Variants in ALK observed in about 807,000 individuals in gnomAD.
The protein encoded by ALK is ALK tyrosine kinase receptor.
ALK carries 74 observed loss-of-function variants against 163.1 expected under a neutral mutation model. The ratio of observed to expected loss-of-function variants is 0.45; its 90% CI spans 0.38 to 0.55. ALK has a LOEUF of 0.55. ALK is among the 20% of genes least tolerant of loss of function. The pLI, the probability that ALK is intolerant of heterozygous loss-of-function variation, is 0.00. For synonymous variants in ALK, 960 were observed against 843.2 expected, an observed-to-expected ratio of 1.14 and a Z score of -2.40; for missense variants, 2,063 against 2,105.3, an observed-to-expected ratio of 0.98 and a Z score of 0.39.
At chr2:29,316,563 T>C (rs537092007) in intron 8 of ALK, among the ~76,000 whole-genome samples, 13 of 152,320 alleles carry the variant, frequency 8.5e-5, no homozygotes, top group African/African-American at 1.7e-4. Context: ...TGGCTCATAT[T>C]AAACCCAGCG....
chr2:29,897,522 G>T (rs1667301951), intron 1 of ALK, among the ~76,000 whole-genome samples: 1 of 152,170 alleles, frequency 6.6e-6, no homozygotes, highest in Non-Finnish European at 1.5e-5. Context: ...TGGGGTGGGG[G>T]CCCCAGGGAG....
At chr2:29,346,622 GAC>G (rs1439970656) in intron 5 of ALK, among the ~76,000 whole-genome samples, 1 of 152,242 alleles carries the variant, frequency 6.6e-6, no homozygotes, top group Middle Eastern at 3.2e-3. Flanking sequence ...GATTTCCATT[GAC>G]AGTTAAATTA....
chr2:29,239,976 C>A, intron 12 of ALK, 146 bp from the exon 13 acceptor site: 1 of 974,318 alleles, frequency 1.0e-6, no homozygotes, highest in Non-Finnish European at 1.5e-6. Flanking sequence ...GAAAGGGATT[C>A]TTCTCCCCCA....
rs1665490716 is a variant in ALK at position 29,274,808 on chromosome 2, G to T, written c.2041+291C>A. Among the ~76,000 whole-genome samples the T allele has an allele frequency of 1.3e-5, 2 of 152,182 alleles. 1 individual carries two copies. Among genetic ancestry groups the T allele is most frequent in the South Asian group, 4.1e-4 (2 of 4,832 alleles). On this transcript the variant is annotated intron_variant, in intron 11 of 28. Coordinates refer to ENST00000389048, the MANE Select transcript of ALK (RefSeq NM_004304.5). ...AAGGCGGCAGTGAATTCAAAGCAGA[G>T]TTGGGGAAAAAAATGCCAGCTTGGT...
chr2:29,242,795 C>G (rs1664558162), intron 12 of ALK, among the ~76,000 whole-genome samples: 1 of 152,206 alleles, frequency 6.6e-6, no homozygotes. Flanking sequence ...CAAGGCGAGA[C>G]CCGGGGCTGG....
At chr2:29,699,239 C>T (rs910556825) in intron 2 of ALK, among the ~76,000 whole-genome samples, 1 of 152,212 alleles carries the variant, frequency 6.6e-6, no homozygotes, top group Non-Finnish European at 1.5e-5. Flanking sequence ...TGGGAAACTA[C>T]CTTCCCTCAG....
chr2:29,919,476 G>A (rs999350154), intron 1 of ALK, among the ~76,000 whole-genome samples: 2 of 152,138 alleles, frequency 1.3e-5, no homozygotes, highest in Admixed American at 1.3e-4. Context: ...GACAATCCCT[G>A]GCAATACCTG....
At chr2:29,753,538 A>C (rs1573608066) in intron 1 of ALK, among the ~76,000 whole-genome samples, 1 of 152,354 alleles carries the variant, frequency 6.6e-6, no homozygotes, top group South Asian at 2.1e-4. Flanking sequence ...TACAGAGCTG[A>C]AATAACACCT....
intron 5 of ALK, among the ~76,000 whole-genome samples, chr2:29,338,491 TG>T (rs1193097202): frequency 6.6e-6 from 1 of 152,222 alleles, no homozygotes; most frequent in African/African-American, 2.4e-5. Flanking sequence ...TTTGTTCCGT[TG>T]TCTAGAATCA....
At chr2:29,713,694 T>TA (rs1219615471) in intron 2 of ALK, among the ~76,000 whole-genome samples, 2 of 152,182 alleles carry the variant, frequency 1.3e-5, no homozygotes, top group Non-Finnish European at 2.9e-5. Flanking sequence ...ACCTACTCCG[T>TA]AAAATGAAAG....
chr2:29,565,052 C>G lies in ALK; in HGVS notation c.953-32936G>C, dbSNP rs570848993. On this transcript the variant is annotated intron_variant, in intron 3 of 28. Transcript: ENST00000389048. ...CGACAATAACCACAGCTTCCATTTG[C>G]CAATTGCCTACTCTGTACAGACACG... Among the ~76,000 whole-genome samples the G allele has an allele frequency of 4.6e-5, 7 of 152,292 alleles. No homozygotes were observed. In the South Asian group the frequency reaches 1.5e-3, roughly 32 times the overall value.
chr2:29,373,742 G>T (rs1573293097), intron 5 of ALK, among the ~76,000 whole-genome samples: 1 of 152,294 alleles, frequency 6.6e-6, no homozygotes, highest in East Asian at 1.9e-4. Context: ...TTCCTTCCTG[G>T]TTCCACCTGC....
At chr2:29,449,313 G>C (rs1217008806) in intron 4 of ALK, among the ~76,000 whole-genome samples, 1 of 152,168 alleles carries the variant, frequency 6.6e-6, no homozygotes, top group Non-Finnish European at 1.5e-5. Flanking sequence ...GTCCTCTGGG[G>C]GTCTACAGGA....
rs1348167920 is a variant in ALK, at chr2:29,235,836, G to A, written c.2356-2140C>T. Reference sequence around the variant, plus strand: ...GTCTCCAGAGTAGCTGGGACTACAGGCACAAGCTACCAGGCTCGACTTTTT... The same window carrying A: ...GTCTCCAGAGTAGCTGGGACTACAGACACAAGCTACCAGGCTCGACTTTTT... On this transcript the variant is annotated intron_variant, in intron 13 of 28. Coordinates refer to ENST00000389048, the MANE Select transcript of ALK (RefSeq NM_004304.5). Among the ~76,000 whole-genome samples the A allele has an allele frequency of 4.4e-5, 6 of 136,188 alleles. No homozygotes were observed. In the Admixed American group the frequency reaches 5.0e-4, roughly 11 times the overall value. The allele number at this position is 136,188 out of a possible 152,430, so 89.3% of individuals were successfully genotyped here.
At chr2:29,477,122 A>C (rs1157699977) in intron 4 of ALK, among the ~76,000 whole-genome samples, 1 of 152,178 alleles carries the variant, frequency 6.6e-6, no homozygotes, top group East Asian at 1.9e-4. Flanking sequence ...TGAGCTGAGC[A>C]GTGCAGGCTG....
intron 26 of ALK, among the ~76,000 whole-genome samples, chr2:29,206,039 CAGAG>C (rs1447589482): frequency 6.6e-6 from 1 of 152,146 alleles, no homozygotes; most frequent in Non-Finnish European, 1.5e-5. Context: ...TCAGTCTCTT[CAGAG>C]AGAGAGCCCA....
At chr2:29,820,333 T>A (rs530101039) in intron 1 of ALK, among the ~76,000 whole-genome samples, 2 of 152,184 alleles carry the variant, frequency 1.3e-5, no homozygotes, top group Non-Finnish European at 2.9e-5. Context: ...TCCAGCTCCA[T>A]TGAAGCCCTC....
chr2:29,390,375 A>C (rs941045235), intron 4 of ALK, among the ~76,000 whole-genome samples: 1 of 152,218 alleles, frequency 6.6e-6, no homozygotes, highest in African/African-American at 2.4e-5. Flanking sequence ...TCCCTGTCAC[A>C]TAGAACACAG....
At chr2:29,475,527 G>T (rs1348325673) in intron 4 of ALK, among the ~76,000 whole-genome samples, 1 of 152,092 alleles carries the variant, frequency 6.6e-6, no homozygotes, top group Non-Finnish European at 1.5e-5. Context: ...GAACAGTCTC[G>T]GGCCCGCCGG....
Sources: allele counts gnomAD v4.1 joint callset (sites outside exome capture counted in the v4.1 genomes callset), GRCh38; gene constraint gnomAD v4.1.1; transcripts MANE v1.5; gene names NCBI Gene and HGNC (gene_info 2026-07-23, HGNC 2026-07-21).